Variants in CEP43 observed in about 807,000 individuals in gnomAD.
CEP43 encodes FGFR1 oncogene partner.
CEP43 carries 36 observed loss-of-function variants against 52.6 expected under a neutral mutation model. That is an observed-to-expected ratio of 0.68 (90% CI 0.52 to 0.90). CEP43 has a LOEUF of 0.90. Among genes scored for constraint, CEP43 ranks in the 40% least tolerant of loss-of-function variants. The probability of loss-of-function intolerance (pLI) is 0.00; values close to 1 mark genes in which losing one functional copy is unlikely to be tolerated. For synonymous variants in CEP43, 192 were observed against 172.4 expected, an observed-to-expected ratio of 1.11 and a Z score of -0.89; for missense variants, 506 against 472.8, an observed-to-expected ratio of 1.07 and a Z score of -0.65.
chr6:167,018,485 G>T (rs1286009008), intron 7 of CEP43, among the ~76,000 whole-genome samples: 4 of 152,170 alleles, frequency 2.6e-5, no homozygotes, highest in Admixed American at 6.5e-5. Flanking sequence ...CCAACTTCCT[G>T]GTTCAAGCGA....
At chr6:167,034,148 G>A (rs1780533026) in intron 12 of CEP43, among the ~76,000 whole-genome samples, 177 bp downstream of exon 12, 2 of 152,224 alleles carry the variant, frequency 1.3e-5, no homozygotes, top group African/African-American at 4.8e-5. Context: ...TGTAAGATTG[G>A]TTTTGGTTGT....
At chr6:167,024,735 G>A (rs1780315700) in intron 8 of CEP43, 47 bp from the exon 9 acceptor site, 2 of 1,284,958 alleles carry the variant, frequency 1.6e-6, no homozygotes, top group Non-Finnish European at 1.1e-6. Context: ...AAAGTGTTTA[G>A]TGGCAGAACA....
In CEP43 at chr6:167,029,461, A is replaced by G. The variant is rs146650624; in HGVS notation, c.988+2846A>G. 8.5e-5 allele frequency among the ~76,000 whole-genome samples: 13 copies of G among 152,342 alleles called. No individual in the cohort carries two copies. In the East Asian group the frequency reaches 2.5e-3, roughly 29 times the overall value. ...TGAGCATCCCAAATCTGAAAATCTG[A>G]AAGTCCGAAATGCTCCAATGAGCAG... On this transcript the variant is annotated intron_variant, in intron 10 of 12. Coordinates refer to ENST00000366847, the MANE Select transcript of CEP43 (RefSeq NM_007045.4).
At chr6:166,999,958 C>G in intron 1 of CEP43, 102 bp from the exon 2 acceptor site, 1 of 989,662 alleles carries the variant, frequency 1.0e-6, no homozygotes, top group Non-Finnish European at 1.6e-6. Context: ...CACCTGCCCT[C>G]CCAGCTCGTT....
chr6:167,040,549 G>T lies in CEP43; in HGVS notation c.*571G>T. The T allele has an allele frequency of 2.7e-6, 3 of 1,094,580 alleles. No homozygotes were observed. In the South Asian group the frequency reaches 1.0e-4, roughly 37 times the overall value. 67.8% of individuals were successfully genotyped at this position (1,094,580 alleles called of 1,614,324 possible). On this transcript the variant is annotated 3_prime_UTR_variant, in exon 13 of 13. Transcript: ENST00000366847. The stretch of plus-strand genomic sequence containing the variant: ...TTTGGAAGGTTTGTTAGACCATTAA[G>T]GTTATATTAAAGTACTCTTGTGTGT...
intron 1 of CEP43, 176 bp downstream of exon 1, chr6:166,999,690 T>C: frequency 2.1e-6 from 1 of 479,850 alleles, no homozygotes; most frequent in Non-Finnish European, 3.6e-6. Context: ...GGGGGTCGGC[T>C]CGTTCGTTCG....
At chr6:167,036,754 T>C (rs1037235316) in intron 12 of CEP43, 4 of 985,002 alleles carry the variant, frequency 4.1e-6, no homozygotes, top group Non-Finnish European at 4.8e-6. Context: ...TCACTTTGAG[T>C]TCTTATTCTA....
At chr6:167,023,387 C>T (rs75706306) in intron 8 of CEP43, among the ~76,000 whole-genome samples, 13,218 of 152,168 alleles carry the variant, frequency 0.087, 858 homozygotes, top group Middle Eastern at 0.15. Flanking sequence ...AAGTAATATA[C>T]AGAGTGGCAT....
intron 3 of CEP43, 196 bp downstream of exon 3, chr6:167,003,443 C>T (rs1779782699): frequency 2.0e-6 from 1 of 504,012 alleles, no homozygotes; most frequent in Non-Finnish European, 3.5e-6. Context: ...TTGCTTAAAG[C>T]CAGTTTTACT....
In CEP43 at chr6:167,042,828, G is replaced by GTGTGTGTGTGTGTGTGTC. The variant is rs1780727324; in HGVS notation, c.*2861_*2862insGTGTGTCTGTGTGTGTGT. ...TCTTGCTTATTTTGTGTGTGTGTGT[G>GTGTGTGTGTGTGTGTGTC]TGTGTGTGTGTTTAACTATGAGCTC... On this transcript the variant is annotated 3_prime_UTR_variant, in exon 13 of 13. Coordinates refer to ENST00000366847, the MANE Select transcript of CEP43 (RefSeq NM_007045.4). 6.5e-6 allele frequency: 1 copy of GTGTGTGTGTGTGTGTGTC among 153,344 alleles called. No homozygotes were observed. The highest frequency in any genetic ancestry group is 1.4e-5 in the Non-Finnish European group (1 of 69,218). The allele number at this position is 153,344 out of a possible 1,614,324, so 9.5% of individuals were successfully genotyped here. A position where few individuals can be genotyped will look rare whatever the true frequency, so the allele number is the denominator to read the frequency against.
At chr6:167,007,557 C>T (rs146084765) in intron 5 of CEP43, among the ~76,000 whole-genome samples, 1,578 of 152,234 alleles carry the variant, frequency 0.01, 28 homozygotes, top group Non-Finnish European at 0.01. Flanking sequence ...ATAGAGACCT[C>T]AAAGATGTAT....
rs1397561727 is a variant in CEP43 at position 167,047,841 on chromosome 6, A to G, written c.*7863A>G. The G allele has an allele frequency of 6.6e-6, 1 of 151,372 alleles. No individual in the cohort carries two copies. Among genetic ancestry groups the G allele is most frequent in the Non-Finnish European group, 1.5e-5 (1 of 67,794 alleles). 9.4% of individuals were successfully genotyped at this position (151,372 alleles called of 1,614,324 possible). ...GATTTCTGGTCTTGACTCCACTACC[A>G]CTCAGAGGAACCTCACGGTGGATGC... is the stretch of plus-strand genomic sequence containing the variant. On this transcript the variant is annotated 3_prime_UTR_variant, in exon 13 of 13. Transcript: ENST00000366847.
At chr6:167,002,187 CT>C (rs1248666732) in intron 2 of CEP43, among the ~76,000 whole-genome samples, 1 of 152,038 alleles carries the variant, frequency 6.6e-6, no homozygotes, top group Admixed American at 6.6e-5. Context: ...CCTTGTGCCC[CT>C]TATGTAACCC....
chr6:166,999,448 G>A lies in CEP43; in HGVS notation c.36G>A (p.Glu12=), dbSNP rs1438197322. The change falls in exon 1 of 13, where the codon GAG becomes GAA. Residue 12 remains glutamate, a synonymous_variant. Transcript: ENST00000366847. ...CGGCGGCCGCAGTGGTGGCCGAGGA[G>A]GACACGGAGCTGCGGGACCTGCTGG... The part of the protein sequence containing the change: ...AATAAAVVAE[E]DTELRDLLVQ... 8 of 1,484,450 alleles carry A rather than the reference G, an allele frequency of 5.4e-6. No homozygotes were observed. The highest frequency in any genetic ancestry group is 2.6e-5 in the South Asian group (2 of 76,916). 92.0% of individuals were successfully genotyped at this position (1,484,450 alleles called of 1,614,324 possible).
At chr6:167,026,804 T>C (rs1458464822) in intron 10 of CEP43, among the ~76,000 whole-genome samples, 189 bp downstream of exon 10, 3 of 152,210 alleles carry the variant, frequency 2.0e-5, no homozygotes, top group African/African-American at 7.2e-5. Context: ...GCAACAGCCA[T>C]CATGTTCTCG....
In CEP43 at chr6:167,039,899, C is replaced by T; in HGVS notation, c.1126-5C>T. 1 of 1,612,786 alleles carries T rather than the reference C, an allele frequency of 6.2e-7. No homozygotes were observed. On this transcript the variant is annotated splice_polypyrimidine_tract_variant and splice_region_variant and intron_variant, in intron 12 of 12. Transcript: ENST00000366847. ...TAATTATTTTCTTTCTTTTGAACAACAAAGCTTGATGACCTCACACAAGAT... is the reference window on the plus strand; with the variant it reads ...TAATTATTTTCTTTCTTTTGAACAATAAAGCTTGATGACCTCACACAAGAT...
intron 5 of CEP43, 146 bp from the exon 6 acceptor site, chr6:167,010,667 A>C: frequency 2.2e-6 from 1 of 449,160 alleles, no homozygotes. Context: ...AATTAGAGGA[A>C]AATCTAAAAA....
intron 12 of CEP43, 21 bp from the exon 13 acceptor site, chr6:167,039,883 T>A: frequency 1.2e-6 from 2 of 1,612,048 alleles, no homozygotes; most frequent in African/African-American, 1.3e-5. Context: ...TTAATTATTT[T>A]CTTTCTTTTG....
chr6:167,011,921 A>G (rs1779995306), intron 6 of CEP43, among the ~76,000 whole-genome samples: 1 of 152,220 alleles, frequency 6.6e-6, no homozygotes, highest in Non-Finnish European at 1.5e-5. Flanking sequence ...TAGGATTTCA[A>G]CATAGGAGCT....
Sources: allele counts gnomAD v4.1 joint callset (sites outside exome capture counted in the v4.1 genomes callset), GRCh38; gene constraint gnomAD v4.1.1; transcripts MANE v1.5; gene names NCBI Gene and HGNC (gene_info 2026-07-23, HGNC 2026-07-21).